The following INPP5K variants were observed in gnomAD, a reference collection of about 807,000 sequenced individuals.
The protein encoded by INPP5K is inositol polyphosphate-5-phosphatase K.
Under a neutral mutation model 53.5 loss-of-function variants are expected in INPP5K, and 35 were observed. The ratio of observed to expected loss-of-function variants is 0.65; its 90% CI spans 0.50 to 0.87. INPP5K has a LOEUF of 0.87. INPP5K is among the 40% of genes least tolerant of loss of function. The pLI, the probability that INPP5K is intolerant of heterozygous loss-of-function variation, is 0.00. For missense variants in INPP5K, 550 were observed against 586.2 expected, an observed-to-expected ratio of 0.94 and a Z score of 0.64; for synonymous variants, 253 against 232.8, an observed-to-expected ratio of 1.09 and a Z score of -0.79.
chr17:1,503,374 C>T (rs1028911364), intron 7 of INPP5K, among the ~76,000 whole-genome samples: 11 of 151,748 alleles, frequency 7.2e-5, no homozygotes, highest in East Asian at 1.9e-4. Context: ...TTAGTAGAGA[C>T]GGGGTTTCAC....
At chr17:1,498,258 G>C (rs1206003107) in intron 7 of INPP5K, 136 bp from the exon 8 acceptor site, 4 of 680,160 alleles carry the variant, frequency 5.9e-6, no homozygotes, top group Admixed American at 2.7e-5. Context: ...CCCGGGGCCA[G>C]AGCCGGAGGG....
intron 5 of INPP5K, among the ~76,000 whole-genome samples, chr17:1,508,790 T>TG (rs2075228537): frequency 8.5e-5 from 2 of 23,416 alleles, no homozygotes; most frequent in South Asian, 1.4e-3. Flanking sequence ...GGCGGTCAGC[T>TG]GGGGCAGAGG....
At chr17:1,515,727 T>A (rs114619541) in intron 1 of INPP5K, 1 of 615,210 alleles carries the variant, frequency 1.6e-6, no homozygotes, top group African/African-American at 2.0e-5. Context: ...AGCAACTTCC[T>A]GTCCCTCCCT....
chr17:1,516,383 C>T, intron 1 of INPP5K, 73 bp downstream of exon 1: 1 of 1,467,390 alleles, frequency 6.8e-7, no homozygotes, highest in Non-Finnish European at 9.2e-7. Context: ...GTGCCTTGTC[C>T]ACCCCCAGCC....
chr17:1,496,806 A>C lies in INPP5K; in HGVS notation c.964-3T>G, dbSNP rs1348912471. On this transcript the variant is annotated splice_polypyrimidine_tract_variant and splice_region_variant and intron_variant, in intron 8 of 11. Coordinates refer to ENST00000421807, the MANE Select transcript of INPP5K (RefSeq NM_016532.4). Reference sequence around the variant, plus strand: ...GGAGCAGACACCAATGGCTTCAGCTAGACACGGGGGTGGGAAGGGGGCTGA... The same window carrying C: ...GGAGCAGACACCAATGGCTTCAGCTCGACACGGGGGTGGGAAGGGGGCTGA... The C allele has an allele frequency of 6.2e-7, 1 of 1,613,792 alleles. No homozygotes were observed. The highest frequency in any genetic ancestry group is 1.3e-5 in the African/African-American group (1 of 74,928).
At position 1,496,073 on chromosome 17, in the gene INPP5K, C is replaced by G. The variant is rs775842503; in HGVS notation, c.1277G>C (p.Ser426Thr). The change falls in exon 11 of 12, where the codon AGC (serine) becomes ACC (threonine). Residue 426 changes from serine (S) to threonine (T), a missense_variant. Transcript: ENST00000421807. ...AGCACTGCTTACCTGGAAGGGTCTG[C>G]TTATCCCCACCACAGAACGCAGACT... is the stretch of plus-strand genomic sequence containing the variant. ...SNSLRSVVGISRPFQIPPGSL... is the reference protein window; with the variant it reads ...SNSLRSVVGITRPFQIPPGSL... The G allele has an allele frequency of 6.2e-7, 1 of 1,609,796 alleles. No homozygotes were observed. Among genetic ancestry groups the G allele is most frequent in the Non-Finnish European group, 8.5e-7 (1 of 1,176,060 alleles).
rs537431679 is a variant in INPP5K, at chr17:1,499,357, G to C, written c.777-1235C>G. On this transcript the variant is annotated intron_variant, in intron 7 of 11. Transcript: ENST00000421807. ...AAAGTACAAACATTAGCCAGGCATG[G>C]TGGCAGGTGCCTGTAATCCCAGCTA... Among the ~76,000 whole-genome samples the C allele has an allele frequency of 2.0e-5, 3 of 152,250 alleles. No homozygotes were observed. The South Asian group carries it at 6.2e-4, about 32-fold the overall frequency.
chr17:1,514,866 C>G (rs1331579630), intron 1 of INPP5K, among the ~76,000 whole-genome samples: 1 of 151,872 alleles, frequency 6.6e-6, no homozygotes, highest in East Asian at 1.9e-4. Context: ...CCTAGCAGAT[C>G]CCTGGAGCAA....
At chr17:1,510,958 A>G (rs1487234744) in intron 3 of INPP5K, among the ~76,000 whole-genome samples, 1 of 152,136 alleles carries the variant, frequency 6.6e-6, no homozygotes, top group African/African-American at 2.4e-5. Context: ...TGATGGTAAC[A>G]TGGGTATATG....
chr17:1,498,211 A>G, intron 7 of INPP5K, 89 bp from the exon 8 acceptor site: 1 of 1,180,674 alleles, frequency 8.5e-7, no homozygotes, highest in East Asian at 2.4e-5. Flanking sequence ...AGCTTGCTGG[A>G]GCCCCTAACT....
At position 1,512,013 on chromosome 17, in the gene INPP5K, G is replaced by A. The variant is rs758251364; in HGVS notation, c.261+1440C>T. The stretch of plus-strand genomic sequence containing the variant: ...AAGAAAGGACTAGCAGGAGGTGGCT[G>A]GGGGCCCTGGAGCAGTGGAAGGGGG... On this transcript the variant is annotated intron_variant, in intron 3 of 11. Coordinates refer to ENST00000421807, the MANE Select transcript of INPP5K (RefSeq NM_016532.4). Among the ~76,000 whole-genome samples, 17 of 152,156 alleles carry A rather than the reference G, an allele frequency of 1.1e-4. 1 individual carries two copies. The highest frequency in any genetic ancestry group is 9.8e-4 in the Admixed American group (15 of 15,286).
intron 7 of INPP5K, among the ~76,000 whole-genome samples, chr17:1,505,476 G>A (rs77213832): frequency 0.048 from 7,247 of 151,976 alleles, 229 homozygotes; most frequent in Non-Finnish European, 0.073. Context: ...GATCTGGGCC[G>A]GCCATCCTGC....
intron 7 of INPP5K, 143 bp downstream of exon 7, chr17:1,506,837 G>GGACAGGA: frequency 1.6e-6 from 1 of 612,758 alleles, no homozygotes; most frequent in Non-Finnish European, 2.9e-6. Context: ...CTCATGAAGT[G>GGACAGGA]GACAGGAGGT....
At chr17:1,509,576 G>A in intron 4 of INPP5K, 107 bp downstream of exon 4, 1 of 926,064 alleles carries the variant, frequency 1.1e-6, no homozygotes, top group South Asian at 1.4e-5. Context: ...AACATGCATT[G>A]GGCTGGACAG....
intron 7 of INPP5K, among the ~76,000 whole-genome samples, chr17:1,499,524 C>G (rs778872033): frequency 1.3e-5 from 2 of 152,180 alleles, no homozygotes; most frequent in African/African-American, 4.8e-5. Context: ...AGAGACCTCC[C>G]ACCTGTTCTT....
In INPP5K at chr17:1,495,552, C is replaced by A; in HGVS notation, c.*271G>T. 2.3e-6 allele frequency: 1 copy of A among 441,206 alleles called. No homozygotes were observed. The allele number at this position is 441,206 out of a possible 1,614,324, so 27.3% of individuals were successfully genotyped here. On this transcript the variant is annotated 3_prime_UTR_variant, in exon 12 of 12. Coordinates refer to ENST00000421807, the MANE Select transcript of INPP5K (RefSeq NM_016532.4). Reference sequence around the variant, plus strand: ...AGGGGGTAGGAATCCAGAAATGAGACGCAGAACTGTCCCCAGGTCTTCACT... The same window carrying A: ...AGGGGGTAGGAATCCAGAAATGAGAAGCAGAACTGTCCCCAGGTCTTCACT...
chr17:1,509,451 G>T, intron 4 of INPP5K, 98 bp from the exon 5 acceptor site: 1 of 1,215,042 alleles, frequency 8.2e-7, no homozygotes, highest in Non-Finnish European at 1.2e-6. Flanking sequence ...CTCACTTCCT[G>T]CAGGGTCTCC....
At chr17:1,516,081 G>A in intron 1 of INPP5K, 1 of 1,123,640 alleles carries the variant, frequency 8.9e-7, no homozygotes, top group Non-Finnish European at 1.1e-6. Context: ...GATTCCCGGG[G>A]TTCACCATGG....
intron 6 of INPP5K, 79 bp downstream of exon 6, chr17:1,508,036 C>G (rs748185994): frequency 4.2e-5 from 43 of 1,030,316 alleles, no homozygotes; most frequent in Middle Eastern, 4.4e-4. Flanking sequence ...GCGAGGGCAT[C>G]TAGCAACACT....
Sources: allele counts gnomAD v4.1 joint callset (sites outside exome capture counted in the v4.1 genomes callset), GRCh38; gene constraint gnomAD v4.1.1; transcripts MANE v1.5; gene names NCBI Gene and HGNC (gene_info 2026-07-23, HGNC 2026-07-21).